Variants in MAP3K20 observed in about 807,000 individuals in gnomAD.
MAP3K20 encodes the protein mitogen-activated protein kinase kinase kinase 20.
In MAP3K20, 40 loss-of-function variants were observed where a neutral mutation model predicts 85.7. The ratio of observed to expected loss-of-function variants is 0.47; its 90% CI spans 0.36 to 0.61. The LOEUF is 0.61. MAP3K20 is among the 20% of genes least tolerant of loss of function. The pLI is 0.00. For synonymous variants in MAP3K20, 325 were observed against 327.7 expected, an observed-to-expected ratio of 0.99 and a Z score of 0.09; for missense variants, 817 against 961.7, an observed-to-expected ratio of 0.85 and a Z score of 1.99.
At chr2:173,194,764 GGT>G (rs1491256502) in intron 7 of MAP3K20, among the ~76,000 whole-genome samples, 117 of 126,304 alleles carry the variant, frequency 9.3e-4, no homozygotes, top group South Asian at 8.0e-3. Context: ...TTAAAAAAAA[GGT>G]TTTTTTTTTA....
At chr2:173,160,122 A>T (rs2106238277) in intron 2 of MAP3K20, 1 of 152,194 alleles carries the variant, frequency 6.6e-6, no homozygotes, top group Middle Eastern at 3.4e-3. Context: ...AGAATATAGG[A>T]TGTATTCTAT....
intron 16 of MAP3K20, among the ~76,000 whole-genome samples, chr2:173,244,716 C>G (rs1418669975): frequency 6.6e-6 from 1 of 152,196 alleles, no homozygotes; most frequent in African/African-American, 2.4e-5. Flanking sequence ...CAGCCTATGT[C>G]TTAGCATTAT....
intron 16 of MAP3K20, among the ~76,000 whole-genome samples, chr2:173,246,138 A>G (rs1684907860): frequency 6.6e-6 from 1 of 152,220 alleles, no homozygotes; most frequent in African/African-American, 2.4e-5. Context: ...TTATCTCTGT[A>G]TCATCCTCTT....
intron 4 of MAP3K20, 47 bp from the exon 5 acceptor site, chr2:173,187,511 A>C: frequency 6.7e-7 from 1 of 1,493,056 alleles, no homozygotes; most frequent in Non-Finnish European, 9.1e-7. Flanking sequence ...ATACTGATGT[A>C]ATGTTGAAAA....
intron 16 of MAP3K20, among the ~76,000 whole-genome samples, chr2:173,249,991 G>A (rs980720718): frequency 1.3e-5 from 2 of 152,098 alleles, no homozygotes; most frequent in African/African-American, 2.4e-5. Context: ...ATCTCCACCG[G>A]TGTCTACTTG....
intron 3 of MAP3K20, among the ~76,000 whole-genome samples, chr2:173,170,211 G>T (rs975475033): frequency 6.6e-6 from 1 of 152,070 alleles, no homozygotes; most frequent in Non-Finnish European, 1.5e-5. Context: ...CATGTTTTTT[G>T]TAACTCTGTG....
intron 2 of MAP3K20, among the ~76,000 whole-genome samples, chr2:173,091,484 TTCCCAGGGTTC>T (rs2106148244): frequency 6.6e-6 from 1 of 152,312 alleles, no homozygotes; most frequent in East Asian, 1.9e-4. Context: ...ATTTTAGACC[TTCCCAGGGTTC>T]AAGCTTTTCT....
chr2:173,203,143 C>G (rs1683542786), intron 8 of MAP3K20, among the ~76,000 whole-genome samples: 1 of 152,130 alleles, frequency 6.6e-6, no homozygotes, highest in Non-Finnish European at 1.5e-5. Context: ...GTCTCTAAAA[C>G]AAACACAAAA....
chr2:173,197,184 T>A (rs187399406), intron 7 of MAP3K20, among the ~76,000 whole-genome samples: 125 of 152,292 alleles, frequency 8.2e-4, no homozygotes, highest in African/African-American at 2.4e-3. Flanking sequence ...ACTCCATTTG[T>A]ATAAACAGGG....
intron 2 of MAP3K20, among the ~76,000 whole-genome samples, chr2:173,113,008 A>C (rs1294760720): frequency 1.3e-5 from 2 of 152,026 alleles, no homozygotes; most frequent in African/African-American, 2.4e-5. Flanking sequence ...AATTCTTTGA[A>C]TGTCTGCTAG....
chr2:173,226,968 CTT>C (rs1684407915), intron 11 of MAP3K20: 3 of 985,468 alleles, frequency 3.0e-6, no homozygotes, highest in South Asian at 4.7e-5. Flanking sequence ...AAATTTTACT[CTT>C]GTGTGGTAAG....
In MAP3K20 at chr2:173,263,893, CAAGT is replaced by C; in HGVS notation, c.1702+3_1702+6del. 3.7e-6 allele frequency: 6 copies of C among 1,605,980 alleles called. No homozygotes were observed. Among genetic ancestry groups the C allele is most frequent in the Non-Finnish European group, 4.2e-6 (5 of 1,177,952 alleles). On this transcript the variant is annotated splice_donor_variant and coding_sequence_variant, in exon 19 of 20. Coordinates refer to ENST00000375213, the MANE Select transcript of MAP3K20 (RefSeq NM_016653.3). LOFTEE classifies it high-confidence loss of function. ...GGCAACCCTGGAAGCAGGTCCGACT[CAAGT>C]AAGTTAGTGTTCCCGTATTAGATGT...
In MAP3K20 at chr2:173,225,604, A is replaced by AC. The variant is rs1553588810; in HGVS notation, c.988-4085_988-4084insC. The AC allele has an allele frequency of 8.6e-4, 840 of 972,752 alleles. 1 individual carries two copies. Among genetic ancestry groups the AC allele is most frequent in the African/African-American group, 3.0e-3 (166 of 54,928 alleles). The allele number at this position is 972,752 out of a possible 1,614,324, so 60.3% of individuals were successfully genotyped here. A position where few individuals can be genotyped will look rare whatever the true frequency, so the allele number is the denominator to read the frequency against. On this transcript the variant is annotated intron_variant, in intron 11 of 19. Coordinates refer to ENST00000375213, the MANE Select transcript of MAP3K20 (RefSeq NM_016653.3). The stretch of plus-strand genomic sequence containing the variant: ...GTGAGACTTCATCTCAAAAAAAAAA[A>AC]AAAACAAAAAAAAACAACCCGGTAG...
chr2:173,123,553 G>C (rs1051836857), intron 2 of MAP3K20, among the ~76,000 whole-genome samples: 1 of 152,178 alleles, frequency 6.6e-6, no homozygotes, highest in African/African-American at 2.4e-5. Context: ...TCCAGAAAAA[G>C]AAAGCTAGTC....
chr2:173,153,618 C>T (rs1689370682), intron 2 of MAP3K20, among the ~76,000 whole-genome samples: 1 of 152,144 alleles, frequency 6.6e-6, no homozygotes, highest in Admixed American at 6.6e-5. Flanking sequence ...ATTCTTTTAC[C>T]TCTGTAGGCC....
At chr2:173,214,450 G>A (rs1574120916) in intron 10 of MAP3K20, 2 of 152,298 alleles carry the variant, frequency 1.3e-5, no homozygotes, top group East Asian at 1.9e-4. Flanking sequence ...CACTTGGTTG[G>A]TTGTGTTTCC....
At chr2:173,082,454 G>C (rs1687038074) in intron 1 of MAP3K20, among the ~76,000 whole-genome samples, 2 of 152,064 alleles carry the variant, frequency 1.3e-5, no homozygotes, top group African/African-American at 4.8e-5. Flanking sequence ...ATTCATTCCA[G>C]GCACTCAGTC....
At chr2:173,136,493 G>A (rs1014917461) in intron 2 of MAP3K20, among the ~76,000 whole-genome samples, 4 of 152,156 alleles carry the variant, frequency 2.6e-5, no homozygotes, top group South Asian at 4.1e-4. Flanking sequence ...GAAGAGCCTC[G>A]ACAGAGAAGG....
At chr2:173,158,103 C>G (rs1280837017) in intron 2 of MAP3K20, among the ~76,000 whole-genome samples, 4 of 152,170 alleles carry the variant, frequency 2.6e-5, no homozygotes, top group Non-Finnish European at 2.9e-5. Context: ...AAAGTTTCTC[C>G]TTGCCTAGGT....
Sources: allele counts gnomAD v4.1 joint callset (sites outside exome capture counted in the v4.1 genomes callset), GRCh38; gene constraint gnomAD v4.1.1; transcripts MANE v1.5; gene names NCBI Gene and HGNC (gene_info 2026-07-23, HGNC 2026-07-21).